The following PTCHD4 variants were observed in gnomAD, a reference collection of about 807,000 sequenced individuals.
The protein encoded by PTCHD4 is patched domain-containing protein 4.
Under a neutral mutation model 58.1 loss-of-function variants are expected in PTCHD4, and 33 were observed. The ratio of observed to expected loss-of-function variants is 0.57; its 90% CI spans 0.43 to 0.76. The LOEUF (loss-of-function observed/expected upper bound fraction) is 0.76. Among genes scored for constraint, PTCHD4 ranks in the 30% least tolerant of loss-of-function variants. PTCHD4 has a pLI of 0.00. For missense variants in PTCHD4, 1,058 were observed against 1,027.1 expected (o/e 1.03, Z -0.41); for synonymous variants, 478 against 409.6 (o/e 1.17, Z -2.02).
chr6:48,056,621 G>A (rs979965032), intron 3 of PTCHD4, among the ~76,000 whole-genome samples: 1 of 152,190 alleles, frequency 6.6e-6, no homozygotes, highest in Non-Finnish European at 1.5e-5. Flanking sequence ...ATACAAAAGA[G>A]GTCATATTAA....
At position 47,858,994 on chromosome 6, in the gene PTCHD4, G is replaced by T. The variant is rs1423687456; in HGVS notation, c.*19309C>A. Among the ~76,000 whole-genome samples the T allele has an allele frequency of 6.6e-6, 1 of 152,028 alleles. No homozygotes were observed. The highest frequency in any genetic ancestry group is 2.4e-5 in the African/African-American group (1 of 41,416). ...TGAGACTAATCAATGAATCATTAATGTGAGCTTGGAAACAGCAGGTAGAAA... is the reference window on the plus strand; with the variant it reads ...TGAGACTAATCAATGAATCATTAATTTGAGCTTGGAAACAGCAGGTAGAAA... On this transcript the variant is annotated 3_prime_UTR_variant, in exon 5 of 5. Coordinates refer to ENST00000339488, the MANE Select transcript of PTCHD4 (RefSeq NM_001384253.1).
chr6:47,907,567 G>A (rs944792817), intron 4 of PTCHD4, among the ~76,000 whole-genome samples: 1 of 152,174 alleles, frequency 6.6e-6, no homozygotes, highest in Non-Finnish European at 1.5e-5. Context: ...TAGGCTTGGG[G>A]CTGGAGAAGC....
chr6:48,097,145 C>A (rs1582135495), intron 1 of PTCHD4, among the ~76,000 whole-genome samples: 1 of 151,848 alleles, frequency 6.6e-6, no homozygotes, highest in African/African-American at 2.4e-5. Context: ...TTAGCTTCCA[C>A]TTAGAGAATA....
chr6:48,099,218 G>C (rs1164938721), intron 1 of PTCHD4, among the ~76,000 whole-genome samples: 1 of 152,184 alleles, frequency 6.6e-6, no homozygotes, highest in Non-Finnish European at 1.5e-5. Flanking sequence ...GTGGTCGCCA[G>C]CCTGCACAAT....
chr6:47,993,400 G>C (rs1287776095), intron 4 of PTCHD4, among the ~76,000 whole-genome samples: 1 of 152,136 alleles, frequency 6.6e-6, no homozygotes, highest in Non-Finnish European at 1.5e-5. Flanking sequence ...AGGGAGCTCT[G>C]CCCTCAAGAC....
At position 47,953,077 on chromosome 6, in the gene PTCHD4, G is replaced by GGATGAGGAT. The variant is rs1766715175; in HGVS notation, c.898+55556_898+55557insATCCTCATC. The stretch of plus-strand genomic sequence containing the variant: ...AAAACATATAATTGTGATAGGATGA[G>GGATGAGGAT]GATGATGATGATGATGACGACACTA... On this transcript the variant is annotated intron_variant, in intron 4 of 4. Coordinates refer to ENST00000339488, the MANE Select transcript of PTCHD4 (RefSeq NM_001384253.1). 9.2e-5 allele frequency among the ~76,000 whole-genome samples: 14 copies of GGATGAGGAT among 151,770 alleles called. No individual in the cohort carries two copies. The South Asian group carries it at 2.9e-3, about 32-fold the overall frequency.
intron 1 of PTCHD4, among the ~76,000 whole-genome samples, chr6:48,093,079 C>T (rs916068394): frequency 8.5e-5 from 13 of 152,136 alleles, no homozygotes; most frequent in African/African-American, 3.1e-4. Flanking sequence ...TGGCATGCTT[C>T]GCTTGATAAA....
chr6:48,028,217 A>G (rs1763316401), intron 3 of PTCHD4, among the ~76,000 whole-genome samples: 1 of 152,102 alleles, frequency 6.6e-6, no homozygotes, highest in Admixed American at 6.6e-5. Flanking sequence ...TGCTAAGATT[A>G]CAGGCATGAG....
chr6:47,997,426 A>G (rs149840460), intron 4 of PTCHD4, among the ~76,000 whole-genome samples: 2 of 152,252 alleles, frequency 1.3e-5, no homozygotes, highest in African/African-American at 2.4e-5. Context: ...TTACTAATAT[A>G]CTATCTTACT....
At chr6:47,913,154 C>T (rs1037365310) in intron 4 of PTCHD4, among the ~76,000 whole-genome samples, 1 of 152,076 alleles carries the variant, frequency 6.6e-6, no homozygotes, top group Non-Finnish European at 1.5e-5. Flanking sequence ...TTGTGCCAGG[C>T]ACTTAGCTTT....
intron 4 of PTCHD4, among the ~76,000 whole-genome samples, chr6:47,967,345 G>A (rs1446400328): frequency 6.6e-6 from 1 of 152,202 alleles, no homozygotes; most frequent in Non-Finnish European, 1.5e-5. Flanking sequence ...AAACAGATAT[G>A]CTGTTATCCA....
At chr6:47,995,129 A>G (rs1255580916) in intron 4 of PTCHD4, among the ~76,000 whole-genome samples, 3 of 152,184 alleles carry the variant, frequency 2.0e-5, no homozygotes, top group Non-Finnish European at 2.9e-5. Context: ...TAAATAAAGA[A>G]AGGAGAAAGA....
intron 4 of PTCHD4, among the ~76,000 whole-genome samples, chr6:47,914,653 TA>T (rs945735740): frequency 6.7e-6 from 1 of 149,558 alleles, no homozygotes; most frequent in African/African-American, 2.4e-5. Context: ...TTAAAATATA[TA>T]AAAAGATTTT....
At chr6:47,992,782 G>T (rs563451822) in intron 4 of PTCHD4, among the ~76,000 whole-genome samples, 3 of 152,054 alleles carry the variant, frequency 2.0e-5, no homozygotes. Flanking sequence ...AATATGCTAC[G>T]TTACTTTTGT....
chr6:47,995,008 G>A (rs2114044614), intron 4 of PTCHD4, among the ~76,000 whole-genome samples: 1 of 152,260 alleles, frequency 6.6e-6, no homozygotes, highest in East Asian at 1.9e-4. Context: ...CAAACAGTTA[G>A]AAATCATAAA....
intron 1 of PTCHD4, among the ~76,000 whole-genome samples, chr6:48,098,779 T>C (rs1364854739): frequency 6.6e-6 from 1 of 152,192 alleles, no homozygotes; most frequent in Non-Finnish European, 1.5e-5. Context: ...TCCAGAGATG[T>C]CCCCATCCTG....
chr6:47,972,244 A>G (rs1254481774), intron 4 of PTCHD4, among the ~76,000 whole-genome samples: 3 of 152,198 alleles, frequency 2.0e-5, no homozygotes, highest in Non-Finnish European at 4.4e-5. Context: ...ATAATTGTAT[A>G]TGAATTTACT....
intron 3 of PTCHD4, among the ~76,000 whole-genome samples, chr6:48,044,668 C>G (rs996169231): frequency 1.3e-5 from 2 of 151,842 alleles, no homozygotes; most frequent in African/African-American, 4.8e-5. Context: ...TTTACTGACA[C>G]TTGGCCTAGA....
In PTCHD4 at chr6:47,883,576, A is replaced by G. The variant is rs532149273; in HGVS notation, c.899-3640T>C. 8.0e-3 allele frequency among the ~76,000 whole-genome samples: 1,215 copies of G among 152,334 alleles called. 11 individuals carry two copies. Among genetic ancestry groups the G allele is most frequent in the Non-Finnish European group, 0.013 (883 of 68,028 alleles). ...TTTAAAATAACTTTAATTAATTAAT[A>G]TGAAATAACTGTGTATAGTATCAAT... On this transcript the variant is annotated intron_variant, in intron 4 of 4. Transcript: ENST00000339488.
Sources: gnomAD v4.1 joint callset for allele counts (sites outside exome capture counted in the v4.1 genomes callset) on GRCh38, gnomAD v4.1.1 for gene constraint, MANE v1.5 for transcripts, NCBI Gene and HGNC (gene_info 2026-07-23, HGNC 2026-07-21) for gene names.